The following LMO4 variants were observed in gnomAD, a reference collection of about 807,000 sequenced individuals.
LMO4 encodes LIM domain only 4, also known as LIM domain transcription factor LMO4.
In LMO4, 3 loss-of-function variants were observed where a neutral mutation model predicts 18.5. The observed-to-expected ratio is 0.16, with a 90% CI of 0.07 to 0.42. The LOEUF is 0.42. Ranked by LOEUF, LMO4 falls within the 10% of genes least tolerant of loss-of-function variation. The probability of loss-of-function intolerance (pLI) is 0.99; values close to 1 mark genes in which losing one functional copy is unlikely to be tolerated. For synonymous variants in LMO4, 100 were observed against 88.1 expected, an observed-to-expected ratio of 1.14 and a Z score of -0.76; for missense variants, 121 against 219.9, an observed-to-expected ratio of 0.55 and a Z score of 2.84.
chr1:87,344,724 G>GT, intron 4 of LMO4, 64 bp from the exon 5 acceptor site: 1 of 1,528,926 alleles, frequency 6.5e-7, no homozygotes, highest in Non-Finnish European at 9.1e-7. Flanking sequence ...AAGCAGTCAT[G>GT]TTTGAGTTTA....
At chr1:87,343,869 A>G (rs150273489) in intron 4 of LMO4, among the ~76,000 whole-genome samples, 2 of 152,274 alleles carry the variant, frequency 1.3e-5, no homozygotes, top group Admixed American at 6.5e-5. Context: ...GGGTGAAACG[A>G]GAACTTCCTG....
At chr1:87,334,859 T>TAA (rs1650256314) in intron 2 of LMO4, among the ~76,000 whole-genome samples, 1 of 152,252 alleles carries the variant, frequency 6.6e-6, no homozygotes, top group South Asian at 2.1e-4. Context: ...TCCGCACAAT[T>TAA]AAAAGCTTTA....
At chr1:87,344,735 A>C (rs1368614869) in intron 4 of LMO4, 53 bp from the exon 5 acceptor site, 1 of 1,594,502 alleles carries the variant, frequency 6.3e-7, no homozygotes, top group African/African-American at 1.3e-5. Flanking sequence ...TTTGAGTTTA[A>C]TATCTCTCAA....
chr1:87,331,861 C>A (rs957847860), intron 1 of LMO4, 152 bp from the exon 2 acceptor site: 4 of 622,574 alleles, frequency 6.4e-6, no homozygotes, highest in South Asian at 4.0e-5. Context: ...TCCCTCTCCC[C>A]CTCAGCCTCC....
At position 87,348,653 on chromosome 1, in the gene LMO4, A is replaced by C; in HGVS notation, c.*3857A>C. 2.1e-6 allele frequency: 1 copy of C among 473,344 alleles called. No homozygotes were observed. The highest frequency in any genetic ancestry group is 1.5e-5 in the South Asian group (1 of 65,980). The allele number at this position is 473,344 out of a possible 1,614,324, so 29.3% of individuals were successfully genotyped here. ...CATCGTGAACATGCTGAGAGCAATG[A>C]CAAGTCAGGGCTGATTTTTGGAAGG... On this transcript the variant is annotated 3_prime_UTR_variant, in exon 5 of 5. Coordinates refer to ENST00000370544, the MANE Select transcript of LMO4 (RefSeq NM_006769.4).
At chr1:87,336,640 G>A (rs369275768) in intron 2 of LMO4, among the ~76,000 whole-genome samples, 3 of 152,092 alleles carry the variant, frequency 2.0e-5, no homozygotes, top group Admixed American at 6.5e-5. Context: ...CATCTTTTCC[G>A]TTTTCCCTGT....
chr1:87,346,949 A>G lies in LMO4; in HGVS notation c.*2153A>G, dbSNP rs537003197. The G allele has an allele frequency of 1.3e-5, 2 of 152,250 alleles. No homozygotes were observed. The highest frequency in any genetic ancestry group is 2.9e-5 in the Non-Finnish European group (2 of 68,006). 9.4% of individuals were successfully genotyped at this position (152,250 alleles called of 1,614,324 possible). Reference sequence around the variant, plus strand: ...GTTAATGAGATTGCAGGCATTTTCTATATTCTTTTTGGCATAAGCACTTAT... The same window carrying G: ...GTTAATGAGATTGCAGGCATTTTCTGTATTCTTTTTGGCATAAGCACTTAT... On this transcript the variant is annotated 3_prime_UTR_variant, in exon 5 of 5. Coordinates refer to ENST00000370544, the MANE Select transcript of LMO4 (RefSeq NM_006769.4).
At position 87,347,807 on chromosome 1, in the gene LMO4, C is replaced by T. The variant is rs1199731547; in HGVS notation, c.*3011C>T. 2 of 152,176 alleles carry T rather than the reference C, an allele frequency of 1.3e-5. No individual in the cohort carries two copies. The highest frequency in any genetic ancestry group is 2.9e-5 in the Non-Finnish European group (2 of 68,032). 9.4% of individuals were successfully genotyped at this position (152,176 alleles called of 1,614,324 possible). Reference sequence around the variant, plus strand: ...ACTGTCTAATTAGATTTACACATCCCGCAAGGCAGGGGAGCCTGAAGCTTT... The same window carrying T: ...ACTGTCTAATTAGATTTACACATCCTGCAAGGCAGGGGAGCCTGAAGCTTT... On this transcript the variant is annotated 3_prime_UTR_variant, in exon 5 of 5. Transcript: ENST00000370544.
intron 2 of LMO4, among the ~76,000 whole-genome samples, chr1:87,338,751 A>ACTG (rs1650385759): frequency 6.6e-6 from 1 of 152,158 alleles, no homozygotes; most frequent in South Asian, 2.1e-4. Context: ...CTGCAGTGAT[A>ACTG]CAGCAAACAC....
At chr1:87,341,645 T>A (rs1303794169) in intron 4 of LMO4, among the ~76,000 whole-genome samples, 2 of 152,330 alleles carry the variant, frequency 1.3e-5, no homozygotes, top group East Asian at 3.9e-4. Context: ...CCTTTTCCCT[T>A]GCTCAAGTTT....
Position 87,346,574 on chromosome 1 carries a change from AGC to A in LMO4, c.*1779_*1780del, listed in dbSNP as rs1650641223. Reference sequence around the variant, plus strand: ...GCCGTGGAGCCATGTAGAGAGGTGTAGCTCAGCACATCTCAACTACCAGTCAG... The same window carrying A: ...GCCGTGGAGCCATGTAGAGAGGTGTATCAGCACATCTCAACTACCAGTCAG... On this transcript the variant is annotated 3_prime_UTR_variant, in exon 5 of 5. Coordinates refer to ENST00000370544, the MANE Select transcript of LMO4 (RefSeq NM_006769.4). The A allele has an allele frequency of 6.6e-6, 1 of 152,166 alleles. No individual in the cohort carries two copies. Among genetic ancestry groups the A allele is most frequent in the Non-Finnish European group, 1.5e-5 (1 of 68,032 alleles). The allele number at this position is 152,166 out of a possible 1,614,324, so 9.4% of individuals were successfully genotyped here.
intron 2 of LMO4, among the ~76,000 whole-genome samples, chr1:87,339,002 A>G (rs767850114): frequency 6.6e-6 from 1 of 152,212 alleles, no homozygotes; most frequent in East Asian, 1.9e-4. Context: ...TAACCCATAC[A>G]CATTATATAT....
chr1:87,330,117 T>C (rs1370822046), intron 1 of LMO4, among the ~76,000 whole-genome samples: 1 of 151,858 alleles, frequency 6.6e-6, no homozygotes, highest in Non-Finnish European at 1.5e-5. Context: ...TTAGATTTAA[T>C]CAGCATTAAG....
At chr1:87,335,189 A>G (rs1240993061) in intron 2 of LMO4, among the ~76,000 whole-genome samples, 1 of 152,170 alleles carries the variant, frequency 6.6e-6, no homozygotes, top group Non-Finnish European at 1.5e-5. Context: ...AAGCGCCCCA[A>G]GTAGCTTCGG....
rs1435791904 is a variant in LMO4, at chr1:87,347,572, G to A, written c.*2776G>A. Reference sequence around the variant, plus strand: ...AAAGGACTTATTTAATATTAACCACGTCATAGAGCAAGATGGCCCCCAGTC... The same window carrying A: ...AAAGGACTTATTTAATATTAACCACATCATAGAGCAAGATGGCCCCCAGTC... On this transcript the variant is annotated 3_prime_UTR_variant, in exon 5 of 5. Coordinates refer to ENST00000370544, the MANE Select transcript of LMO4 (RefSeq NM_006769.4). 3 of 152,052 alleles carry A rather than the reference G, an allele frequency of 2.0e-5. No individual in the cohort carries two copies. The highest frequency in any genetic ancestry group is 2.9e-5 in the Non-Finnish European group (2 of 68,014). The allele number at this position is 152,052 out of a possible 1,614,324, so 9.4% of individuals were successfully genotyped here.
chr1:87,337,857 G>GC (rs199753408), intron 2 of LMO4, among the ~76,000 whole-genome samples: 1 of 152,140 alleles, frequency 6.6e-6, no homozygotes, highest in African/African-American at 2.4e-5. Context: ...CAGCCCAGAG[G>GC]CCCCCCAAGC....
rs1650704861 is a variant in LMO4, at chr1:87,348,677, GGTGAACTT to G, written c.*3883_*3890del. On this transcript the variant is annotated 3_prime_UTR_variant, in exon 5 of 5. Coordinates refer to ENST00000370544, the MANE Select transcript of LMO4 (RefSeq NM_006769.4). ...GACAAGTCAGGGCTGATTTTTGGAA[GGTGAACTT>G]GCAACTTACCTCAAGTGAATACTGT... 6.1e-6 allele frequency: 3 copies of G among 492,636 alleles called. No individual in the cohort carries two copies. The Admixed American group carries it at 6.3e-5, about 10-fold the overall frequency. The allele number at this position is 492,636 out of a possible 1,614,324, so 30.5% of individuals were successfully genotyped here.
intron 1 of LMO4, among the ~76,000 whole-genome samples, chr1:87,330,008 T>C (rs964887336): frequency 4.6e-5 from 7 of 150,944 alleles, no homozygotes; most frequent in African/African-American, 7.3e-5. Flanking sequence ...AGCTTTCTTT[T>C]TTTTTTTTTT....
chr1:87,345,580 A>G lies in LMO4; in HGVS notation c.*784A>G, dbSNP rs1046330467. ...ATAATAAAAACTTAAAAGAAAAAAT[A>G]TTTAATGGTGTTTGGGTTTAAACAC... is the stretch of plus-strand genomic sequence containing the variant. On this transcript the variant is annotated 3_prime_UTR_variant, in exon 5 of 5. Coordinates refer to ENST00000370544, the MANE Select transcript of LMO4 (RefSeq NM_006769.4). 4.3e-4 allele frequency: 66 copies of G among 152,290 alleles called. No individual in the cohort carries two copies. The highest frequency in any genetic ancestry group is 1.6e-3 in the African/African-American group (65 of 41,564). The allele number at this position is 152,290 out of a possible 1,614,324, so 9.4% of individuals were successfully genotyped here.
Sources: allele counts gnomAD v4.1 joint callset (sites outside exome capture counted in the v4.1 genomes callset), GRCh38; gene constraint gnomAD v4.1.1; transcripts MANE v1.5; gene names NCBI Gene and HGNC (gene_info 2026-07-23, HGNC 2026-07-21).